The following LRRC32 variants were observed in gnomAD, a reference collection of about 807,000 sequenced individuals.
LRRC32 encodes the protein leucine rich repeat containing 32, also known as transforming growth factor beta activator LRRC32.
A neutral mutation model predicts 15.0 loss-of-function variants in LRRC32; 5 were observed. The ratio of observed to expected loss-of-function variants is 0.33; its 90% CI spans 0.17 to 0.70. The LOEUF (loss-of-function observed/expected upper bound fraction) is 0.70. LRRC32 is among the 30% of genes least tolerant of loss of function. LRRC32 has a pLI of 0.66. For missense variants in LRRC32, 803 were observed against 854.2 expected (o/e 0.94, Z 0.75); for synonymous variants, 391 against 403.9 (o/e 0.97, Z 0.38).
chr11:76,661,084 C>G lies in LRRC32; in HGVS notation c.509G>C (p.Arg170Pro). Residue 170 changes from arginine to proline, a missense_variant, in exon 3 of 3, where the codon CGG becomes CCG. Arg to Pro is a moderately radical substitution (Grantham distance 103). Transcript: ENST00000260061. ...AAGCTGCTCCAGCGCAGGCATGTCC[C>G]GGAAGGTGTGGCGGGTGAGGCGAGT... ...SLTRLTRHTF[R>P]DMPALEQLDL... The G allele has an allele frequency of 1.2e-6, 2 of 1,614,212 alleles. No homozygotes were observed. Among genetic ancestry groups the G allele is most frequent in the Non-Finnish European group, 1.7e-6 (2 of 1,180,030 alleles).
At position 76,661,360 on chromosome 11, in the gene LRRC32, A is replaced by G; in HGVS notation, c.233T>C (p.Leu78Pro). Residue 78 changes from leucine (L) to proline (P), a missense_variant, in exon 3 of 3, where the codon CTG (leucine) becomes CCG (proline). Transcript: ENST00000260061. Reference sequence around the variant, plus strand: ...GCTGATCTCATTGGTGCTCAGGTCCAGGTGACGAAGTGCTGTGTAGAAGCC... The same window carrying G: ...GCTGATCTCATTGGTGCTCAGGTCCGGGTGACGAAGTGCTGTGTAGAAGCC... ...PLGFYTALRH[L>P]DLSTNEISFL... 1 of 1,614,202 alleles carries G rather than the reference A, an allele frequency of 6.2e-7. No homozygotes were observed. Among genetic ancestry groups the G allele is most frequent in the Non-Finnish European group, 8.5e-7 (1 of 1,180,014 alleles).
chr11:76,666,145 G>T (rs1471463342), intron 1 of LRRC32, among the ~76,000 whole-genome samples, 187 bp from the exon 2 acceptor site: 2 of 152,238 alleles, frequency 1.3e-5, no homozygotes, highest in Non-Finnish European at 2.9e-5. Flanking sequence ...CATCATAGTA[G>T]GCCTCTCACC....
chr11:76,669,345 ATGTGTG>A lies in LRRC32; in HGVS notation c.-5+1263_-5+1268del, dbSNP rs112355864. Among the ~76,000 whole-genome samples the A allele has an allele frequency of 9.0e-3, 1,108 of 123,516 alleles. 18 individuals carry two copies. The highest frequency in any genetic ancestry group is 0.03 in the African/African-American group (926 of 31,014). The allele number at this position is 123,516 out of a possible 152,430, so 81.0% of individuals were successfully genotyped here. A position where few individuals can be genotyped will look rare whatever the true frequency, so the allele number is the denominator to read the frequency against. Reference sequence around the variant, plus strand: ...GTCCAACTCAGAAAAGTGCCAAAGAATGTGTGTGTGTGTGTGTGTGTGTGTGTGTGT... The same window carrying A: ...GTCCAACTCAGAAAAGTGCCAAAGAATGTGTGTGTGTGTGTGTGTGTGTGT... On this transcript the variant is annotated intron_variant, in intron 1 of 2. Transcript: ENST00000260061.
Position 76,658,574 on chromosome 11 carries a change from T to A in LRRC32, c.*1030A>T, listed in dbSNP as rs1053795265. On this transcript the variant is annotated 3_prime_UTR_variant, in exon 3 of 3. Coordinates refer to ENST00000260061, the MANE Select transcript of LRRC32 (RefSeq NM_001128922.2). ...GGAGACAGAAGGATGAAGGTTTGAA[T>A]CTCACCTATGGCATTAGTTAGCTGG... The A allele has an allele frequency of 2.6e-5, 4 of 151,958 alleles. No homozygotes were observed. The highest frequency in any genetic ancestry group is 9.7e-5 in the African/African-American group (4 of 41,100). 9.4% of individuals were successfully genotyped at this position (151,958 alleles called of 1,614,324 possible).
At chr11:76,669,650 T>C (rs1952681249) in intron 1 of LRRC32, 1 of 152,098 alleles carries the variant, frequency 6.6e-6, no homozygotes, top group Non-Finnish European at 1.5e-5. Context: ...TTTATCCAGT[T>C]CTACATGACC....
rs1327032900 is a variant in LRRC32, at chr11:76,659,024, CAG to C, written c.*578_*579del. 6.5e-6 allele frequency: 1 copy of C among 154,798 alleles called. No individual in the cohort carries two copies. The allele number at this position is 154,798 out of a possible 1,614,324, so 9.6% of individuals were successfully genotyped here. ...CTTCTGGTCCTAAGCTTTTCATTTT[CAG>C]AGAGACTGAAAGTCATTCTCAGAAG... On this transcript the variant is annotated 3_prime_UTR_variant, in exon 3 of 3. Transcript: ENST00000260061.
At chr11:76,663,551 G>A (rs547630479) in intron 2 of LRRC32, 1 of 152,364 alleles carries the variant, frequency 6.6e-6, no homozygotes, top group Admixed American at 6.5e-5. Context: ...ATGCAGCACA[G>A]TGACTCCATG....
At chr11:76,663,641 G>A (rs1455386928) in intron 2 of LRRC32, 2 of 152,402 alleles carry the variant, frequency 1.3e-5, no homozygotes, top group Non-Finnish European at 2.9e-5. Context: ...GTGTGAACCT[G>A]AAACCTGCCC....
Position 76,660,162 on chromosome 11 carries a change from A to G in LRRC32, c.1431T>C (p.Pro477=). 6.2e-7 allele frequency: 1 copy of G among 1,601,268 alleles called. No individual in the cohort carries two copies. The highest frequency in any genetic ancestry group is 8.5e-7 in the Non-Finnish European group (1 of 1,174,164). ...AGGCCCCCGTGGCCACCTCCAGCCC[A>G]GGATTGGAAGAAAGGTCCAGCTCAG... is the stretch of plus-strand genomic sequence containing the variant. ...PLTELDLSSN[P]GLEVATGALG... The change falls in exon 3 of 3, where the codon CCT becomes CCC. Residue 477 remains proline (P), a synonymous_variant. Coordinates refer to ENST00000260061, the MANE Select transcript of LRRC32 (RefSeq NM_001128922.2).
chr11:76,666,529 G>A (rs892810338), intron 1 of LRRC32, among the ~76,000 whole-genome samples: 1 of 152,194 alleles, frequency 6.6e-6, no homozygotes, highest in South Asian at 2.1e-4. Context: ...GGCTGGGCCC[G>A]GGCCTTGGCA....
intron 1 of LRRC32, among the ~76,000 whole-genome samples, chr11:76,668,173 G>C (rs758162639): frequency 2.6e-5 from 4 of 152,008 alleles, no homozygotes; most frequent in African/African-American, 4.8e-5. Flanking sequence ...TCGTTACTGA[G>C]AGCAGTTCTC....
chr11:76,660,603 G>C lies in LRRC32; in HGVS notation c.990C>G (p.Ile330Met). The stretch of plus-strand genomic sequence containing the variant: ...TCAGGTGCTCAAGAAAGCTGTCGGG[G>C]ATGAGCTCAATCTCATTGTAGCTCA... ...LDLSYNEIELIPDSFLEHLTS... is the reference protein window; with the variant it reads ...LDLSYNEIELMPDSFLEHLTS... The change falls in exon 3 of 3, where the codon ATC becomes ATG. Residue 330 changes from isoleucine (I) to methionine (M), a missense_variant. Transcript: ENST00000260061. 2 of 1,614,200 alleles carry C rather than the reference G, an allele frequency of 1.2e-6. No homozygotes were observed. The highest frequency in any genetic ancestry group is 1.7e-6 in the Non-Finnish European group (2 of 1,180,038).
chr11:76,669,400 A>T (rs918436762), intron 1 of LRRC32, among the ~76,000 whole-genome samples: 5 of 151,080 alleles, frequency 3.3e-5, no homozygotes, highest in Non-Finnish European at 7.4e-5. Flanking sequence ...AGAGAGAGAG[A>T]GAGTGAGAGA....
chr11:76,665,926 G>T lies in LRRC32; in HGVS notation c.29C>A (p.Ala10Asp), dbSNP rs147425808. The change falls in exon 2 of 3, where the codon GCC becomes GAC. Residue 10 changes from alanine to aspartate, a missense_variant. By Grantham distance (126) the Ala-to-Asp change is moderately radical (BLOSUM62 -2). Coordinates refer to ENST00000260061, the MANE Select transcript of LRRC32 (RefSeq NM_001128922.2). ...TGCAGCCAGGCCTAGGGTCAGCAGGGCCAGGAGCAGCAGGATCTGGGGTCT... is the reference window on the plus strand; with the variant it reads ...TGCAGCCAGGCCTAGGGTCAGCAGGTCCAGGAGCAGCAGGATCTGGGGTCT... MRPQILLLL[A>D]LLTLGLAAQH... 28 of 1,614,082 alleles carry T rather than the reference G, an allele frequency of 1.7e-5. No individual in the cohort carries two copies. The African/African-American group carries it at 2.7e-4, about 15-fold the overall frequency.
chr11:76,661,637 C>A (rs1952536152), intron 2 of LRRC32, 129 bp from the exon 3 acceptor site: 3 of 1,413,510 alleles, frequency 2.1e-6, no homozygotes, highest in South Asian at 3.0e-5. Context: ...GAATGCTCAA[C>A]TTTCCCCCAC....
chr11:76,663,169 C>A (rs887739877), intron 2 of LRRC32: 1 of 152,240 alleles, frequency 6.6e-6, no homozygotes, highest in Non-Finnish European at 1.5e-5. Context: ...TTGGACCTGA[C>A]TAGCAAGTCA....
At chr11:76,668,284 T>G (rs1952657610) in intron 1 of LRRC32, among the ~76,000 whole-genome samples, 1 of 151,970 alleles carries the variant, frequency 6.6e-6, no homozygotes, top group Non-Finnish European at 1.5e-5. Flanking sequence ...ATCTTCCTAC[T>G]TCCCTCTTAT....
At chr11:76,662,441 A>G (rs1420858117) in intron 2 of LRRC32, among the ~76,000 whole-genome samples, 1 of 151,998 alleles carries the variant, frequency 6.6e-6, no homozygotes, top group African/African-American at 2.4e-5. Context: ...GATCACCCCT[A>G]TTTACAGAAA....
chr11:76,658,027 C>G lies in LRRC32; in HGVS notation c.*1577G>C, dbSNP rs1344897886. The G allele has an allele frequency of 2.6e-5, 4 of 152,356 alleles. No individual in the cohort carries two copies. The highest frequency in any genetic ancestry group is 3.4e-3 in the Middle Eastern group (1 of 294). The allele number at this position is 152,356 out of a possible 1,614,324, so 9.4% of individuals were successfully genotyped here. A position where few individuals can be genotyped will look rare whatever the true frequency, so the allele number is the denominator to read the frequency against. ...AGGGATGGGGGTCATCTGGGTGAGG[C>G]TTTTTACCTGTTTTTGTAAGAGGGA... On this transcript the variant is annotated 3_prime_UTR_variant, in exon 3 of 3. Coordinates refer to ENST00000260061, the MANE Select transcript of LRRC32 (RefSeq NM_001128922.2).
Sources: gnomAD v4.1 joint callset for allele counts (sites outside exome capture counted in the v4.1 genomes callset) on GRCh38, gnomAD v4.1.1 for gene constraint, MANE v1.5 for transcripts, NCBI Gene and HGNC (gene_info 2026-07-23, HGNC 2026-07-21) for gene names.